The following DACH2 variants were observed in gnomAD, a reference collection of about 807,000 sequenced individuals.
The protein encoded by DACH2 is dachshund homolog 2.
DACH2 carries 17 observed loss-of-function variants against 35.8 expected under a neutral mutation model. The observed-to-expected ratio is 0.48, with a 90% CI of 0.33 to 0.71. DACH2 has a LOEUF of 0.71. DACH2 is among the 30% of genes least tolerant of loss of function. The probability of loss-of-function intolerance (pLI) is 0.02; values close to 1 mark genes in which losing one functional copy is unlikely to be tolerated. For missense variants in DACH2, 469 were observed against 472.7 expected, an observed-to-expected ratio of 0.99 and a Z score of 0.07; for synonymous variants, 195 against 177.3, an observed-to-expected ratio of 1.10 and a Z score of -0.79.
intron 3 of DACH2, among the ~76,000 whole-genome samples, chrX:86,618,836 A>G (rs184510757): frequency 8.9e-6 from 1 of 111,761 alleles, no homozygotes; most frequent in Non-Finnish European, 1.9e-5. Context: ...TTAAAATAGA[A>G]AGTTTTGAGA....
At chrX:86,474,493 G>T (rs2369054) in intron 2 of DACH2, among the ~76,000 whole-genome samples, 4,149 of 111,691 alleles carry the variant, frequency 0.037, 82 homozygotes, top group East Asian at 0.21. Context: ...ATAGTTTGAG[G>T]TCTTAGATTT....
chrX:86,355,161 G>T (rs1008161791), intron 1 of DACH2, among the ~76,000 whole-genome samples: 1 of 111,826 alleles, frequency 8.9e-6, no homozygotes, highest in Non-Finnish European at 1.9e-5. Context: ...GTGGTATTTG[G>T]TTTTTTGTTC....
intron 2 of DACH2, among the ~76,000 whole-genome samples, chrX:86,422,534 T>G (rs1255946417): frequency 5.4e-5 from 6 of 110,256 alleles, no homozygotes. Flanking sequence ...TTTAAAAAAT[T>G]TTTTTGTGGG....
At chrX:86,803,936 C>A (rs1046929015) in intron 7 of DACH2, among the ~76,000 whole-genome samples, 33 of 111,317 alleles carry the variant, frequency 3.0e-4, no homozygotes, top group Non-Finnish European at 1.7e-4. Flanking sequence ...AGGTGGCAAT[C>A]TCAAGTGAAA....
rs1341011753 is a variant in DACH2 at position 86,546,333 on chromosome X, T to TTCC, written c.640+31944_640+31945insCTC. Among the ~76,000 whole-genome samples the TTCC allele has an allele frequency of 8.5e-3, 668 of 79,036 alleles. 14 individuals are homozygous for TTCC. The highest frequency in any genetic ancestry group is 0.038 in the African/African-American group (620 of 16,168). 68.6% of individuals were successfully genotyped at this position (79,036 alleles called of 115,157 possible). A position where few individuals can be genotyped will look rare whatever the true frequency, so the allele number is the denominator to read the frequency against. On this transcript the variant is annotated intron_variant, in intron 3 of 11. Transcript: ENST00000373125. ...ACCTCCTACCTCTTTCTTCTTCTTC[T>TTCC]TCTTCCTCTTCTTCTTCTTCTTCCT...
chrX:86,824,211 T>A (rs1449526420), intron 11 of DACH2, among the ~76,000 whole-genome samples: 1 of 110,008 alleles, frequency 9.1e-6, no homozygotes, highest in African/African-American at 3.3e-5. Context: ...TTTATAGACC[T>A]CCCCCCAGGA....
intron 1 of DACH2, among the ~76,000 whole-genome samples, chrX:86,269,907 G>A (rs1485239279): frequency 1.9e-5 from 2 of 107,706 alleles, no homozygotes; most frequent in Non-Finnish European, 3.8e-5. Context: ...CTAATAAGAT[G>A]AGTGGTTCAA....
intron 7 of DACH2, among the ~76,000 whole-genome samples, chrX:86,781,867 C>A (rs144297465): frequency 6.3e-5 from 7 of 111,517 alleles, no homozygotes; most frequent in African/African-American, 2.3e-4. Flanking sequence ...TAAAGGGCAT[C>A]CATATTGGAA....
intron 2 of DACH2, among the ~76,000 whole-genome samples, chrX:86,385,035 T>C (rs1219315886): frequency 8.9e-6 from 1 of 111,806 alleles, no homozygotes; most frequent in African/African-American, 3.2e-5. Context: ...AACATTTTTA[T>C]TTCAATTTGG....
intron 2 of DACH2, among the ~76,000 whole-genome samples, chrX:86,456,870 G>A (rs1024828615): frequency 9.0e-6 from 1 of 110,652 alleles, no homozygotes; most frequent in Non-Finnish European, 1.9e-5. Context: ...TTCTATGTTG[G>A]TGTTTTTGTT....
At chrX:86,681,184 C>A in intron 4 of DACH2, among the ~76,000 whole-genome samples, 1 of 111,679 alleles carries the variant, frequency 9.0e-6, no homozygotes, top group African/African-American at 3.3e-5. Flanking sequence ...AGGATGTGTT[C>A]TCTTGTTTTG....
intron 7 of DACH2, among the ~76,000 whole-genome samples, chrX:86,795,816 AG>A (rs1298591499): frequency 1.9e-5 from 2 of 107,542 alleles, no homozygotes; most frequent in African/African-American, 6.7e-5. Flanking sequence ...AGACCTTCGC[AG>A]GGAGTGTTAC....
At chrX:86,556,211 T>G (rs2039115944) in intron 3 of DACH2, among the ~76,000 whole-genome samples, 1 of 111,381 alleles carries the variant, frequency 9.0e-6, no homozygotes, top group South Asian at 3.8e-4. Context: ...AGGAAGCCTC[T>G]CAATAGGGTC....
chrX:86,423,349 A>G (rs1303158278), intron 2 of DACH2, among the ~76,000 whole-genome samples: 1 of 110,863 alleles, frequency 9.0e-6, no homozygotes, highest in Non-Finnish European at 1.9e-5. Flanking sequence ...TGTCTTTTGG[A>G]TATAAGCCAT....
chrX:86,506,945 C>T, intron 2 of DACH2, among the ~76,000 whole-genome samples: 1 of 111,903 alleles, frequency 8.9e-6, no homozygotes. Flanking sequence ...ACTCAGATTT[C>T]ACTTTAAGTG....
chrX:86,823,295 G>A (rs1466816863), intron 11 of DACH2, among the ~76,000 whole-genome samples: 1 of 111,904 alleles, frequency 8.9e-6, no homozygotes, highest in African/African-American at 3.2e-5. Flanking sequence ...TTATTTATTT[G>A]TTCTAGGGAA....
chrX:86,158,197 G>A (rs913444654), intron 1 of DACH2, among the ~76,000 whole-genome samples: 4 of 111,649 alleles, frequency 3.6e-5, no homozygotes, highest in Admixed American at 1.9e-4. Flanking sequence ...ATTATGATAT[G>A]GTTCCCCTTT....
chrX:86,395,098 A>G (rs1406392291), intron 2 of DACH2, among the ~76,000 whole-genome samples: 2 of 111,796 alleles, frequency 1.8e-5, no homozygotes, highest in Non-Finnish European at 3.8e-5. Flanking sequence ...TGAGATATGT[A>G]AAAAGGGCAG....
At chrX:86,636,757 C>G (rs757148721) in intron 3 of DACH2, among the ~76,000 whole-genome samples, 45 of 110,737 alleles carry the variant, frequency 4.1e-4, no homozygotes, top group African/African-American at 1.4e-3. Flanking sequence ...TATAAAAACC[C>G]TAGAATACAA....
Sources: allele counts gnomAD v4.1 joint callset (sites outside exome capture counted in the v4.1 genomes callset), GRCh38; gene constraint gnomAD v4.1.1; transcripts MANE v1.5; gene names NCBI Gene and HGNC (gene_info 2026-07-23, HGNC 2026-07-21).